KCNA4: variants seen among roughly 807,000 people sequenced by gnomAD.
KCNA4 encodes the protein potassium voltage-gated channel subfamily A member 4, also known as cardiac potassium channel.
A neutral mutation model predicts 37.2 loss-of-function variants in KCNA4; 5 were observed. That is an observed-to-expected ratio of 0.13 (90% CI 0.07 to 0.28). The LOEUF (loss-of-function observed/expected upper bound fraction) is 0.28. Among genes scored for constraint, KCNA4 ranks in the 10% least tolerant of loss-of-function variants. The pLI is 1.00. For missense variants in KCNA4, 634 were observed against 817.4 expected, an observed-to-expected ratio of 0.78 and a Z score of 2.74; for synonymous variants, 350 against 311.8, an observed-to-expected ratio of 1.12 and a Z score of -1.29.
At position 30,012,645 on chromosome 11, in the gene KCNA4, C is replaced by T; in HGVS notation, c.34G>A (p.Gly12Arg). ...CCATAAGGCATGTGACTGTTGCACC[C>T]TGAGCTCTCCGCACTCACCATTGCA... ...EVAMVSAESS[G>R]CNSHMPYGYA... Residue 12 changes from glycine (G) to arginine (R), a missense_variant, in exon 2 of 2, where the codon GGG (glycine) becomes AGG (arginine). Around this residue, in one of 8 missense-constraint regions of KCNA4, gnomAD observed 236 missense variants for 229.5 expected, o/e 1.03. Transcript: ENST00000328224. 2.5e-6 allele frequency: 4 copies of T among 1,585,704 alleles called. No homozygotes were observed. The highest frequency in any genetic ancestry group is 3.4e-6 in the Non-Finnish European group (4 of 1,163,268).
Position 30,010,169 on chromosome 11 carries a change from A to G in KCNA4, c.*548T>C, listed in dbSNP as rs1355405511. The G allele has an allele frequency of 6.6e-6, 1 of 152,392 alleles. No individual in the cohort carries two copies. Among genetic ancestry groups the G allele is most frequent in the Non-Finnish European group, 1.5e-5 (1 of 68,086 alleles). The allele number at this position is 152,392 out of a possible 1,614,324, so 9.4% of individuals were successfully genotyped here. On this transcript the variant is annotated 3_prime_UTR_variant, in exon 2 of 2. Coordinates refer to ENST00000328224, the MANE Select transcript of KCNA4 (RefSeq NM_002233.4). ...AAAATAAATTTTAATTAAATCCAAG[A>G]TAAAATTGTGACCTATAGTCTATTA...
chr11:30,017,019 C>T lies in KCNA4; in HGVS notation c.-1230G>A, dbSNP rs1032288862. The T allele has an allele frequency of 2.3e-5, 9 of 397,700 alleles. No individual in the cohort carries two copies. The highest frequency in any genetic ancestry group is 3.5e-5 in the Non-Finnish European group (8 of 225,578). The allele number at this position is 397,700 out of a possible 1,614,324, so 24.6% of individuals were successfully genotyped here. A position where few individuals can be genotyped will look rare whatever the true frequency, so the allele number is the denominator to read the frequency against. ...GAGCAGCACACGCCTCCCCTGGCCG[C>T]GAACGCGCTCTGGGCGGGGGCGGGG... On this transcript the variant is annotated 5_prime_UTR_variant, in exon 1 of 2. Coordinates refer to ENST00000328224, the MANE Select transcript of KCNA4 (RefSeq NM_002233.4).
chr11:30,012,885 C>G lies in KCNA4; in HGVS notation c.-207G>C, dbSNP rs1850320664. ...CTCTCTTCTCAGGGATTCAACATTG[C>G]TCTCCAGAGCTTGGCTGGTCGAGAT... On this transcript the variant is annotated 5_prime_UTR_variant, in exon 2 of 2. Coordinates refer to ENST00000328224, the MANE Select transcript of KCNA4 (RefSeq NM_002233.4). 6.4e-6 allele frequency: 4 copies of G among 622,182 alleles called. No individual in the cohort carries two copies. Among genetic ancestry groups the G allele is most frequent in the Non-Finnish European group, 1.0e-5 (4 of 394,808 alleles). 38.5% of individuals were successfully genotyped at this position (622,182 alleles called of 1,614,324 possible). A position where few individuals can be genotyped will look rare whatever the true frequency, so the allele number is the denominator to read the frequency against.
chr11:30,016,341 T>A (rs1564937371), intron 1 of KCNA4: 1 of 151,826 alleles, frequency 6.6e-6, no homozygotes, highest in African/African-American at 2.4e-5. Context: ...ACTCACCGCA[T>A]CCCCGGGTTT....
rs529975483 is a variant in KCNA4, at chr11:30,016,763, C to T, written c.-974G>A. On this transcript the variant is annotated 5_prime_UTR_variant, in exon 1 of 2. Coordinates refer to ENST00000328224, the MANE Select transcript of KCNA4 (RefSeq NM_002233.4). ...ACGGAACAAGTTCTGTTGCCTGGCC[C>T]GAGGGGTGCACAGAGTCCTCGCGGC... 2 of 380,024 alleles carry T rather than the reference C, an allele frequency of 5.3e-6. No individual in the cohort carries two copies. Among genetic ancestry groups the T allele is most frequent in the Non-Finnish European group, 9.3e-6 (2 of 215,478 alleles). 23.5% of individuals were successfully genotyped at this position (380,024 alleles called of 1,614,324 possible).
intron 1 of KCNA4, among the ~76,000 whole-genome samples, 187 bp from the exon 2 acceptor site, chr11:30,013,647 T>C (rs954153433): frequency 3.3e-5 from 5 of 152,222 alleles, no homozygotes; most frequent in African/African-American, 1.2e-4. Flanking sequence ...CATCATTCTT[T>C]CCTTCTTCAG....
intron 1 of KCNA4, among the ~76,000 whole-genome samples, chr11:30,014,338 C>T (rs980442891): frequency 1.9e-4 from 29 of 152,128 alleles, no homozygotes; most frequent in African/African-American, 7.0e-4. Context: ...CCCTTGAATC[C>T]TGAACACTCC....
rs1303716093 is a variant in KCNA4 at position 30,012,722 on chromosome 11, A to G, written c.-44T>C. 6.6e-7 allele frequency: 1 copy of G among 1,509,088 alleles called. No individual in the cohort carries two copies. The highest frequency in any genetic ancestry group is 2.3e-5 in the Admixed American group (1 of 43,332). The allele number at this position is 1,509,088 out of a possible 1,614,324, so 93.5% of individuals were successfully genotyped here. On this transcript the variant is annotated 5_prime_UTR_variant, in exon 2 of 2. Coordinates refer to ENST00000328224, the MANE Select transcript of KCNA4 (RefSeq NM_002233.4). ...TGGCTGGTTCCAGTTGTAGAAGAAG[A>G]AGAAAGAAAAATAGGGCAGCTTCTT... is the stretch of plus-strand genomic sequence containing the variant.
At chr11:30,013,980 C>T (rs77165242) in intron 1 of KCNA4, among the ~76,000 whole-genome samples, 2,816 of 152,226 alleles carry the variant, frequency 0.018, 44 homozygotes, top group Admixed American at 0.039. Flanking sequence ...GCAGACAGCA[C>T]CACTTGAATG....
In KCNA4 at chr11:30,015,395, T is replaced by C. The variant is rs1369077285; in HGVS notation, c.-783+1177A>G. On this transcript the variant is annotated intron_variant, in intron 1 of 1. Transcript: ENST00000328224. ...CCCCAATGTAACCCAAGTTCCTGTA[T>C]AGTTGAATACTACACACACTGCCTT... 7.2e-5 allele frequency among the ~76,000 whole-genome samples: 11 copies of C among 152,326 alleles called. No homozygotes were observed. The East Asian group carries it at 2.1e-3, about 29-fold the overall frequency.
chr11:30,016,148 A>G (rs1313967441), intron 1 of KCNA4, among the ~76,000 whole-genome samples: 3 of 152,062 alleles, frequency 2.0e-5, no homozygotes, highest in South Asian at 4.2e-4. Flanking sequence ...GCAAATCCAA[A>G]CGTTGGAAGA....
chr11:30,016,249 C>T (rs894751279), intron 1 of KCNA4: 2 of 152,050 alleles, frequency 1.3e-5, no homozygotes, highest in Non-Finnish European at 2.9e-5. Context: ...ATCTTAACCC[C>T]CCTCTCGTTG....
Position 30,012,039 on chromosome 11 carries a change from G to A in KCNA4, c.640C>T (p.Pro214Ser), listed in dbSNP as rs1196629376. 2.5e-6 allele frequency: 4 copies of A among 1,613,974 alleles called. No individual in the cohort carries two copies. The highest frequency in any genetic ancestry group is 1.1e-5 in the South Asian group (1 of 91,086). ...DPEKRTQYFD[P>S]LRNEYFFDRN... ...TCAAAAAAATACTCATTGCGCAAAG[G>A]GTCAAAGTACTGAGTCCTCTTTTCA... is the stretch of plus-strand genomic sequence containing the variant. The change falls in exon 2 of 2, where the codon CCT becomes TCT. Residue 214 changes from proline (P) to serine (S), a missense_variant. By Grantham distance (74) the Pro-to-Ser change is moderately conservative (BLOSUM62 -1). Transcript: ENST00000328224.
At position 30,011,383 on chromosome 11, in the gene KCNA4, A is replaced by G. The variant is rs1310445454; in HGVS notation, c.1296T>C (p.Gly432=). Residue 432 remains glycine, a synonymous_variant, in exon 2 of 2, where the codon GGT becomes GGC. Coordinates refer to ENST00000328224, the MANE Select transcript of KCNA4 (RefSeq NM_002233.4). The surrounding 1 kb of genome is among the most constrained non-coding windows in gnomAD (Gnocchi z 5.6). ...CAAAGGACATGGCCTGCTGCTGCTG[A>G]CCATTGCCACCCCCCTGTTGCTGGG... The part of the protein sequence containing the change: ...DLAQQQGGGN[G]QQQQAMSFAI... 6.2e-7 allele frequency: 1 copy of G among 1,614,110 alleles called. No homozygotes were observed. Among genetic ancestry groups the G allele is most frequent in the Middle Eastern group, 1.6e-4 (1 of 6,062 alleles).
rs1850292414 is a variant in KCNA4, at chr11:30,010,471, C to A, written c.*246G>T. The A allele has an allele frequency of 1.8e-6, 1 of 564,578 alleles. No individual in the cohort carries two copies. The highest frequency in any genetic ancestry group is 3.7e-5 in the South Asian group (1 of 26,892). 35.0% of individuals were successfully genotyped at this position (564,578 alleles called of 1,614,324 possible). A position where few individuals can be genotyped will look rare whatever the true frequency, so the allele number is the denominator to read the frequency against. ...GTTAACATCTTTTCCAGTTAATGTG[C>A]AAAATTCTTGCATTCTAATAAAAAT... On this transcript the variant is annotated 3_prime_UTR_variant, in exon 2 of 2. Coordinates refer to ENST00000328224, the MANE Select transcript of KCNA4 (RefSeq NM_002233.4).
At position 30,013,473 on chromosome 11, in the gene KCNA4, T is replaced by C. The variant is rs1229085556; in HGVS notation, c.-782-13A>G. 1 of 165,546 alleles carries C rather than the reference T, an allele frequency of 6.0e-6. No homozygotes were observed. The highest frequency in any genetic ancestry group is 2.4e-5 in the African/African-American group (1 of 41,428). 10.3% of individuals were successfully genotyped at this position (165,546 alleles called of 1,614,324 possible). On this transcript the variant is annotated splice_polypyrimidine_tract_variant and intron_variant, in intron 1 of 1. Transcript: ENST00000328224. ...AGAAGCACTTCACCTGAAAAAGGATTGGAAAGAAGCATAGGAGAAAAATAA... is the reference window on the plus strand; with the variant it reads ...AGAAGCACTTCACCTGAAAAAGGATCGGAAAGAAGCATAGGAGAAAAATAA...
intron 1 of KCNA4, among the ~76,000 whole-genome samples, chr11:30,016,058 C>G (rs1244216457): frequency 6.6e-6 from 1 of 152,018 alleles, no homozygotes; most frequent in East Asian, 1.9e-4. Flanking sequence ...AGAAAAGCCA[C>G]CACCGTGAGA....
rs1850318652 is a variant in KCNA4 at position 30,012,687 on chromosome 11, T to C, written c.-9A>G. 1 of 1,522,028 alleles carries C rather than the reference T, an allele frequency of 6.6e-7. No homozygotes were observed. The highest frequency in any genetic ancestry group is 8.8e-7 in the Non-Finnish European group (1 of 1,134,770). The allele number at this position is 1,522,028 out of a possible 1,614,324, so 94.3% of individuals were successfully genotyped here. On this transcript the variant is annotated 5_prime_UTR_variant, in exon 2 of 2. Coordinates refer to ENST00000328224, the MANE Select transcript of KCNA4 (RefSeq NM_002233.4). Reference sequence around the variant, plus strand: ...ACCATTGCAACCTCCATGGTGGTGGTTTTCGGAAATGGCTGGTTCCAGTTG... The same window carrying C: ...ACCATTGCAACCTCCATGGTGGTGGCTTTCGGAAATGGCTGGTTCCAGTTG...
Position 30,011,980 on chromosome 11 carries a change from ATAC to A in KCNA4, c.696_698del (p.Leu232_Tyr233delinsPhe). ...TCAGGCGGCCTCCTGATTGATAATA[ATAC>A]AAGATGGCATCAAAGCTGGGGCGGT... On this transcript the variant is annotated inframe_deletion, in exon 2 of 2. Coordinates refer to ENST00000328224, the MANE Select transcript of KCNA4 (RefSeq NM_002233.4). The surrounding 1 kb of genome is among the most constrained non-coding windows in gnomAD (Gnocchi z 5.6). The A allele has an allele frequency of 6.2e-7, 1 of 1,614,150 alleles. No homozygotes were observed. Among genetic ancestry groups the A allele is most frequent in the Non-Finnish European group, 8.5e-7 (1 of 1,180,024 alleles).
Sources: allele counts gnomAD v4.1 joint callset (sites outside exome capture counted in the v4.1 genomes callset), GRCh38; gene constraint gnomAD v4.1.1; regional missense constraint gnomAD v4.1.1; non-coding constraint Gnocchi (gnomAD v3.1); transcripts MANE v1.5; gene names NCBI Gene and HGNC (gene_info 2026-07-23, HGNC 2026-07-21).